CDH12: variants seen among roughly 807,000 people sequenced by gnomAD.
CDH12 encodes cadherin-12.
A neutral mutation model predicts 74.1 loss-of-function variants in CDH12; 41 were observed. The ratio of observed to expected loss-of-function variants is 0.55; its 90% CI spans 0.43 to 0.72. CDH12 has a LOEUF of 0.72. Ranked by LOEUF, CDH12 falls within the 30% of genes least tolerant of loss-of-function variation. CDH12 has a pLI of 0.00. For missense variants in CDH12, 945 were observed against 977.2 expected, an observed-to-expected ratio of 0.97 and a Z score of 0.44; for synonymous variants, 399 against 355.0, an observed-to-expected ratio of 1.12 and a Z score of -1.39.
chr5:22,498,671 A>G (rs965766397), intron 2 of CDH12, among the ~76,000 whole-genome samples: 11 of 151,974 alleles, frequency 7.2e-5, no homozygotes, highest in African/African-American at 2.4e-4. Flanking sequence ...TTATTTCTCA[A>G]ATCTAGTCTG....
intron 1 of CDH12, among the ~76,000 whole-genome samples, chr5:22,705,175 C>G (rs183048688): frequency 3.8e-4 from 40 of 105,086 alleles, no homozygotes; most frequent in Middle Eastern, 9.4e-3. Context: ...TGTAGAGATA[C>G]GTGTGTGTGT....
chr5:22,293,260 G>C (rs539855639), intron 3 of CDH12, among the ~76,000 whole-genome samples: 1 of 152,156 alleles, frequency 6.6e-6, no homozygotes, highest in South Asian at 2.1e-4. Flanking sequence ...GACTGAATTA[G>C]GGATAAAAAC....
chr5:22,342,632 T>G (rs1739911836), intron 3 of CDH12, among the ~76,000 whole-genome samples: 1 of 144,046 alleles, frequency 6.9e-6, no homozygotes, highest in Non-Finnish European at 1.5e-5. Context: ...CCTTTTCTAT[T>G]TCTTTCTCTT....
chr5:21,994,944 G>A (rs570791116), intron 5 of CDH12, among the ~76,000 whole-genome samples: 1 of 152,236 alleles, frequency 6.6e-6, no homozygotes, highest in South Asian at 2.1e-4. Context: ...ACGGAGTGGG[G>A]TCCTCTTCTA....
intron 6 of CDH12, among the ~76,000 whole-genome samples, chr5:21,888,408 C>T (rs370276335): frequency 6.6e-6 from 1 of 152,090 alleles, no homozygotes; most frequent in Non-Finnish European, 1.5e-5. Flanking sequence ...ATAGCATCTA[C>T]TTTGAATTGT....
intron 1 of CDH12, among the ~76,000 whole-genome samples, chr5:22,682,620 T>C (rs1387935437): frequency 6.6e-6 from 1 of 152,052 alleles, no homozygotes; most frequent in Non-Finnish European, 1.5e-5. Context: ...AAAGAAATAT[T>C]TTTTGTCTGT....
At chr5:22,394,824 T>C (rs1742390785) in intron 3 of CDH12, among the ~76,000 whole-genome samples, 1 of 152,160 alleles carries the variant, frequency 6.6e-6, no homozygotes, top group Admixed American at 6.6e-5. Flanking sequence ...GTCTCATGCA[T>C]ATCTAAGTTA....
chr5:22,773,109 T>C (rs536842235), intron 1 of CDH12, among the ~76,000 whole-genome samples: 1 of 152,164 alleles, frequency 6.6e-6, no homozygotes, highest in South Asian at 2.1e-4. Flanking sequence ...TTGTTATTCC[T>C]ATCAAATTAC....
intron 6 of CDH12, among the ~76,000 whole-genome samples, chr5:21,902,648 G>A (rs1194263851): frequency 6.6e-6 from 1 of 152,148 alleles, no homozygotes; most frequent in South Asian, 2.1e-4. Context: ...ACTTTTTGCA[G>A]TGACAGAAAT....
chr5:22,684,025 A>G (rs141222542), intron 1 of CDH12, among the ~76,000 whole-genome samples: 2 of 152,368 alleles, frequency 1.3e-5, no homozygotes, highest in Admixed American at 6.5e-5. Context: ...ACAATGTTAC[A>G]GACCTCAAAG....
chr5:21,794,611 C>T (rs1254323301), intron 10 of CDH12, among the ~76,000 whole-genome samples: 1 of 151,636 alleles, frequency 6.6e-6, no homozygotes, highest in Non-Finnish European at 1.5e-5. Flanking sequence ...TCAATTTGTA[C>T]AAAATATCTA....
chr5:22,381,289 G>C (rs1269118332), intron 3 of CDH12, among the ~76,000 whole-genome samples: 1 of 151,874 alleles, frequency 6.6e-6, no homozygotes, highest in African/African-American at 2.4e-5. Context: ...TAAAAATTAT[G>C]CCTTTGATCT....
intron 1 of CDH12, among the ~76,000 whole-genome samples, chr5:22,507,387 T>C (rs1188557389): frequency 3.3e-5 from 5 of 152,086 alleles, no homozygotes; most frequent in Non-Finnish European, 5.9e-5. Flanking sequence ...ATAATTAATG[T>C]ACATGTTAAT....
At chr5:21,802,883 A>C (rs926596976) in intron 9 of CDH12, among the ~76,000 whole-genome samples, 2 of 152,208 alleles carry the variant, frequency 1.3e-5, no homozygotes, top group Non-Finnish European at 2.9e-5. Context: ...CAAGGTAAAC[A>C]TTTTAAGAAA....
At chr5:22,110,384 G>A (rs1297581691) in intron 4 of CDH12, among the ~76,000 whole-genome samples, 2 of 151,988 alleles carry the variant, frequency 1.3e-5, no homozygotes, top group Non-Finnish European at 2.9e-5. Context: ...CATGAGGCCA[G>A]GTACGCTACA....
rs1491147762 is a variant in CDH12 at position 22,117,489 on chromosome 5, T to TAATATATATATTATATATATTA, written c.-186-38628_-186-38627insTAATATATATAATATATATATT. On this transcript the variant is annotated intron_variant, in intron 4 of 14. Transcript: ENST00000382254. ...ATATAATATATATATTATATATATA[T>TAATATATATATTATATATATTA]TATATATATATAATATATATATAAT... is the stretch of plus-strand genomic sequence containing the variant. 3.3e-4 allele frequency among the ~76,000 whole-genome samples: 16 copies of TAATATATATATTATATATATTA among 48,616 alleles called. 1 individual carries two copies. Among genetic ancestry groups the TAATATATATATTATATATATTA allele is most frequent in the African/African-American group, 1.2e-3 (16 of 13,770 alleles). 31.9% of individuals were successfully genotyped at this position (48,616 alleles called of 152,430 possible). A position where few individuals can be genotyped will look rare whatever the true frequency, so the allele number is the denominator to read the frequency against.
At chr5:22,709,640 G>A (rs187125115) in intron 1 of CDH12, among the ~76,000 whole-genome samples, 5 of 152,128 alleles carry the variant, frequency 3.3e-5, no homozygotes, top group South Asian at 2.1e-4. Context: ...AATAATCAAC[G>A]TACAGAACCA....
chr5:22,137,139 C>G (rs889630397), intron 4 of CDH12, among the ~76,000 whole-genome samples: 1 of 151,878 alleles, frequency 6.6e-6, no homozygotes, highest in African/African-American at 2.4e-5. Context: ...CCTCTTACAA[C>G]TCAAAACTTG....
chr5:22,450,476 CT>C (rs1222530485), intron 2 of CDH12, among the ~76,000 whole-genome samples: 3 of 151,778 alleles, frequency 2.0e-5, no homozygotes, highest in African/African-American at 7.2e-5. Flanking sequence ...ATTTATTCAT[CT>C]TTTATCATTC....
Sources: allele counts gnomAD v4.1 joint callset (sites outside exome capture counted in the v4.1 genomes callset), GRCh38; gene constraint gnomAD v4.1.1; transcripts MANE v1.5; gene names NCBI Gene and HGNC (gene_info 2026-07-23, HGNC 2026-07-21).